The following GSE1 variants were observed in gnomAD, a reference collection of about 807,000 sequenced individuals.
GSE1 encodes genetic suppressor element 1.
Under a neutral mutation model 112.6 loss-of-function variants are expected in GSE1, and 32 were observed. The ratio of observed to expected loss-of-function variants is 0.28; its 90% confidence interval spans 0.21 to 0.38. The LOEUF (loss-of-function observed/expected upper bound fraction) is 0.38. Ranked by LOEUF, GSE1 falls within the 10% of genes least tolerant of loss-of-function variation. GSE1 has a pLI of 1.00. For missense variants in GSE1, 2,348 were observed against 1,699.2 expected (o/e 1.38, Z -6.71); for synonymous variants, 1,115 against 735.6 (o/e 1.52, Z -8.35).
At chr16:85,382,903 CTT>C (rs1021967165) in intron 2 of GSE1, among the ~76,000 whole-genome samples, 4 of 151,812 alleles carry the variant, frequency 2.6e-5, no homozygotes, top group African/African-American at 9.7e-5. Flanking sequence ...CACGCATACA[CTT>C]GTGCACACAT....
At chr16:85,355,453 G>A (rs953843304) in intron 1 of GSE1, among the ~76,000 whole-genome samples, 1 of 152,172 alleles carries the variant, frequency 6.6e-6, no homozygotes, top group African/African-American at 2.4e-5. Flanking sequence ...CCTTGCCTGT[G>A]ACCCTGGGCT....
At chr16:85,449,447 G>T (rs963936010) in intron 2 of GSE1, among the ~76,000 whole-genome samples, 27 of 152,386 alleles carry the variant, frequency 1.8e-4, no homozygotes, top group African/African-American at 6.3e-4. Flanking sequence ...CCGGCTCCCA[G>T]ATCCGGCTGC....
intron 1 of GSE1, among the ~76,000 whole-genome samples, chr16:85,584,212 T>C (rs1173022378): frequency 6.6e-6 from 1 of 152,124 alleles, no homozygotes; most frequent in Non-Finnish European, 1.5e-5. Flanking sequence ...TTCCCCAAGA[T>C]GCCAGGCTGG....
chr16:85,340,583 G>A (rs950078127), intron 1 of GSE1, among the ~76,000 whole-genome samples: 1 of 152,182 alleles, frequency 6.6e-6, no homozygotes, highest in Non-Finnish European at 1.5e-5. Flanking sequence ...AGAGGTTGCA[G>A]TGAGCCAAGA....
chr16:85,550,602 G>T (rs911491972), intron 2 of GSE1, among the ~76,000 whole-genome samples: 1 of 152,150 alleles, frequency 6.6e-6, no homozygotes. Flanking sequence ...TGGTCCTGGG[G>T]GGCCACCAGA....
chr16:85,199,840 C>T (rs1003050488), intron 1 of GSE1, among the ~76,000 whole-genome samples: 1 of 152,064 alleles, frequency 6.6e-6, no homozygotes, highest in Admixed American at 6.6e-5. Flanking sequence ...AGGTGGCTTC[C>T]AGAGGCTGGT....
chr16:85,289,833 T>C (rs1434514148), intron 1 of GSE1, among the ~76,000 whole-genome samples: 2 of 152,058 alleles, frequency 1.3e-5, no homozygotes. Context: ...GGCTCCTTCA[T>C]GTTGGGGCGG....
intron 2 of GSE1, among the ~76,000 whole-genome samples, chr16:85,527,066 C>T (rs1227404396): frequency 6.6e-6 from 1 of 152,246 alleles, no homozygotes; most frequent in East Asian, 1.9e-4. Flanking sequence ...CTGCGTTCAC[C>T]TCTCCGGTCA....
chr16:85,531,996 G>A (rs1042857360), intron 2 of GSE1, among the ~76,000 whole-genome samples: 1 of 152,150 alleles, frequency 6.6e-6, no homozygotes, highest in East Asian at 1.9e-4. Flanking sequence ...GGCAGGACCC[G>A]GGTGTCTAGG....
intron 2 of GSE1, among the ~76,000 whole-genome samples, chr16:85,370,793 G>A (rs553969082): frequency 8.5e-5 from 13 of 152,332 alleles, no homozygotes; most frequent in Admixed American, 2.0e-4. Context: ...TGACCTGGGC[G>A]GGATATCACT....
chr16:85,613,419 C>CG (rs2048130980), intron 1 of GSE1, 21 bp downstream of exon 1: 2 of 1,547,910 alleles, frequency 1.3e-6, no homozygotes, highest in Admixed American at 1.9e-5. Context: ...CGCACCCGGC[C>CG]GGGGACGGGG....
intron 1 of GSE1, among the ~76,000 whole-genome samples, chr16:85,631,034 C>CG (rs1316114364): frequency 6.6e-6 from 1 of 152,136 alleles, no homozygotes; most frequent in Non-Finnish European, 1.5e-5. Context: ...TTGCGTTCCC[C>CG]GGGGCCCTGC....
intron 2 of GSE1, among the ~76,000 whole-genome samples, chr16:85,644,846 G>T (rs1197235905): frequency 1.4e-5 from 1 of 73,520 alleles, no homozygotes; most frequent in Non-Finnish European, 2.7e-5. Context: ...GAGCCATGGA[G>T]GTTCCATGGA....
chr16:85,650,841 C>T (rs901439409), intron 3 of GSE1, among the ~76,000 whole-genome samples: 8 of 151,766 alleles, frequency 5.3e-5, no homozygotes, highest in Non-Finnish European at 7.4e-5. Flanking sequence ...AGGCTGCGGA[C>T]GTGGGTGGCA....
chr16:85,253,081 C>G (rs1358929661), intron 1 of GSE1, among the ~76,000 whole-genome samples: 8 of 122,888 alleles, frequency 6.5e-5, no homozygotes, highest in African/African-American at 2.1e-4. Context: ...CCCCCCCCCC[C>G]CACCAGCAGG....
At position 85,666,322 on chromosome 16, in the gene GSE1, C is replaced by G; in HGVS notation, c.3105C>G (p.Thr1035=). The G allele has an allele frequency of 1.9e-6, 3 of 1,613,748 alleles. No homozygotes were observed. The highest frequency in any genetic ancestry group is 2.2e-5 in the East Asian group (1 of 44,882). ...HQFHESVLQS[T]QKALQKHKGS... is the part of the protein sequence containing the mutation. ...TCCACGAGTCAGTGCTGCAGTCCAC[C>G]CAGAAGGCCCTGCAGAAGCATAAAG... Residue 1035 remains threonine (T), a synonymous_variant, in exon 13 of 16, where the codon ACC becomes ACG. Transcript: ENST00000253458.
chr16:85,377,453 T>A (rs543317549), intron 2 of GSE1, among the ~76,000 whole-genome samples: 1 of 152,344 alleles, frequency 6.6e-6, no homozygotes, highest in South Asian at 2.1e-4. Context: ...AAACCTCTCC[T>A]GGCTGTGTGA....
chr16:85,222,525 A>G (rs1019234560), intron 1 of GSE1, among the ~76,000 whole-genome samples: 1 of 152,186 alleles, frequency 6.6e-6, no homozygotes, highest in Non-Finnish European at 1.5e-5. Context: ...GATCTTGGAA[A>G]AACACCGCCA....
chr16:85,664,035 C>T (rs920128643), intron 11 of GSE1, among the ~76,000 whole-genome samples: 5 of 152,258 alleles, frequency 3.3e-5, no homozygotes, highest in Non-Finnish European at 7.3e-5. Flanking sequence ...TGGGGAAGGG[C>T]TGCCAAGCAG....
Sources: allele counts gnomAD v4.1 joint callset (sites outside exome capture counted in the v4.1 genomes callset), GRCh38; gene constraint gnomAD v4.1.1; transcripts MANE v1.5; gene names NCBI Gene and HGNC (gene_info 2026-07-23, HGNC 2026-07-21).